CRB2: variants seen among roughly 807,000 people sequenced by gnomAD.
The protein encoded by CRB2 is protein crumbs homolog 2.
In CRB2, 85 loss-of-function variants were observed where a neutral mutation model predicts 110.9. The ratio of observed to expected loss-of-function variants is 0.77; its 90% CI spans 0.64 to 0.92. The LOEUF (loss-of-function observed/expected upper bound fraction) is 0.92, where lower values mean the gene tolerates loss of function less well. Ranked by LOEUF, CRB2 falls within the 40% of genes least tolerant of loss-of-function variation. The probability of loss-of-function intolerance (pLI) is 0.00; values close to 1 mark genes in which losing one functional copy is unlikely to be tolerated. For synonymous variants in CRB2, 907 were observed against 831.0 expected (o/e 1.09, Z -1.57); for missense variants, 1,843 against 1,851.3 (o/e 1.00, Z 0.08).
chr9:123,366,282 G>T lies in CRB2; in HGVS notation c.670G>T (p.Val224Leu). The T allele has an allele frequency of 6.6e-7, 1 of 1,520,102 alleles. No individual in the cohort carries two copies. The highest frequency in any genetic ancestry group is 8.7e-7 in the Non-Finnish European group (1 of 1,146,226). 94.2% of individuals were successfully genotyped at this position (1,520,102 alleles called of 1,614,324 possible). The change falls in exon 4 of 13, where the codon GTG becomes TTG. Residue 224 changes from valine to leucine, a missense_variant. By Grantham distance (32) the Val-to-Leu change is conservative (BLOSUM62 1). Coordinates refer to ENST00000373631, the MANE Select transcript of CRB2 (RefSeq NM_173689.7). ...GYEGTHCERE[V>L]LECASAPCEH... ...CGAGGGCACGCACTGCGAGCGGGAGGTGCTGGAGTGCGCATCGGCGCCCTG... is the reference window on the plus strand; with the variant it reads ...CGAGGGCACGCACTGCGAGCGGGAGTTGCTGGAGTGCGCATCGGCGCCCTG...
intron 1 of CRB2, 43 bp from the exon 2 acceptor site, chr9:123,362,812 ATTGTCCTTGT>A: frequency 1.3e-6 from 2 of 1,505,300 alleles, no homozygotes; most frequent in Admixed American, 3.9e-5. Flanking sequence ...TGGGGAGGAG[ATTGTCCTTGT>A]AACCTCTGCC....
In CRB2 at chr9:123,377,854, G is replaced by A. The variant is rs2042127440; in HGVS notation, c.*792G>A. ...CACCCTGCTGTGGTCATTTGTCAAA[G>A]GGGGAAGGCACCCACTGCCTACCTC... On this transcript the variant is annotated 3_prime_UTR_variant, in exon 13 of 13. Coordinates refer to ENST00000373631, the MANE Select transcript of CRB2 (RefSeq NM_173689.7). 1 of 152,308 alleles carries A rather than the reference G, an allele frequency of 6.6e-6. No individual in the cohort carries two copies. The highest frequency in any genetic ancestry group is 1.5e-5 in the Non-Finnish European group (1 of 68,076). 9.4% of individuals were successfully genotyped at this position (152,308 alleles called of 1,614,324 possible).
chr9:123,359,355 A>T (rs2041834122), intron 1 of CRB2, among the ~76,000 whole-genome samples: 1 of 151,326 alleles, frequency 6.6e-6, no homozygotes. Flanking sequence ...CGCTTCTTAG[A>T]AATATTCTGT....
chr9:123,374,846 G>C (rs769892838), intron 11 of CRB2, 151 bp downstream of exon 11: 37 of 635,054 alleles, frequency 5.8e-5, no homozygotes, highest in Non-Finnish European at 9.3e-5. Flanking sequence ...TCCATGACTC[G>C]CAAGACCATC....
intron 6 of CRB2, chr9:123,368,917 C>T: frequency 8.0e-7 from 1 of 1,257,774 alleles, no homozygotes; most frequent in Non-Finnish European, 1.0e-6. Context: ...GCTCTGTGGA[C>T]CTTCCTGGGC....
intron 1 of CRB2, among the ~76,000 whole-genome samples, chr9:123,360,213 A>C (rs2041851763): frequency 6.6e-6 from 1 of 152,236 alleles, no homozygotes; most frequent in Admixed American, 6.5e-5. Context: ...AGGCCCAAGC[A>C]CATAGTACAC....
At chr9:123,374,845 C>T (rs530810463) in intron 11 of CRB2, 150 bp downstream of exon 11, 4 of 634,860 alleles carry the variant, frequency 6.3e-6, no homozygotes, top group Admixed American at 2.8e-5. Context: ...TTCCATGACT[C>T]GCAAGACCAT....
At position 123,372,268 on chromosome 9, in the gene CRB2, C is replaced by T. The variant is rs760625103; in HGVS notation, c.2528C>T (p.Ala843Val). The T allele has an allele frequency of 2.5e-6, 4 of 1,613,700 alleles. No homozygotes were observed. Among genetic ancestry groups the T allele is most frequent in the African/African-American group, 2.7e-5 (2 of 75,066 alleles). Residue 843 changes from alanine (A) to valine (V), a missense_variant, in exon 9 of 13, where the codon GCC becomes GTC. By Grantham distance (64) the Ala-to-Val change is moderately conservative. Transcript: ENST00000373631. ...GCCAATTTCACGGGGCCTACGTGTGCCCAGCAGCTGTGGTGTCCCGGCCAG... is the reference window on the plus strand; with the variant it reads ...GCCAATTTCACGGGGCCTACGTGTGTCCAGCAGCTGTGGTGTCCCGGCCAG... ...CPANFTGPTC[A>V]QQLWCPGQPC...
Position 123,373,623 on chromosome 9 carries a change from C to CCGGCG in CRB2, c.3097_3101dup (p.Pro1035ArgfsTer108). On this transcript the variant is annotated frameshift_variant, in exon 10 of 13. Transcript: ENST00000373631. LOFTEE classifies it high-confidence loss of function. ...CCCCTGCCCTTGGCGCGGCCCCGGCCCGGCGCGGCCCCTGGCGCCCGAGAG... is the reference window on the plus strand; with the variant it reads ...CCCCTGCCCTTGGCGCGGCCCCGGCCCGGCGCGGCGCGGCCCCTGGCGCCCGAGAG... 1 of 1,362,064 alleles carries CCGGCG rather than the reference C, an allele frequency of 7.3e-7. No homozygotes were observed. The highest frequency in any genetic ancestry group is 9.4e-7 in the Non-Finnish European group (1 of 1,065,764). 84.4% of individuals were successfully genotyped at this position (1,362,064 alleles called of 1,614,324 possible). A position where few individuals can be genotyped will look rare whatever the true frequency, so the allele number is the denominator to read the frequency against.
Position 123,373,706 on chromosome 9 carries a change from G to T in CRB2, c.3175G>T (p.Val1059Leu). ...GATCCTCGGCTGCCGCGGCGCGCCC[G>T]TGTGTGCGCCCTCGCCCTGTCTGCA... The part of the protein sequence containing the change: ...APILGCRGAP[V>L]CAPSPCLHDG... Residue 1059 changes from valine to leucine, a missense_variant, in exon 10 of 13, where the codon GTG (valine) becomes TTG (leucine). Physicochemically the swap from Val to Leu is conservative, Grantham distance 32 (BLOSUM62 1). Coordinates refer to ENST00000373631, the MANE Select transcript of CRB2 (RefSeq NM_173689.7). The T allele has an allele frequency of 6.6e-7, 1 of 1,511,170 alleles. No homozygotes were observed. The highest frequency in any genetic ancestry group is 2.7e-5 in the East Asian group (1 of 36,408). The allele number at this position is 1,511,170 out of a possible 1,614,324, so 93.6% of individuals were successfully genotyped here.
At chr9:123,378,807 T>TTTG (rs2042150901), downstream of CRB2, 1 of 66,230 alleles carries the variant, frequency 1.5e-5, no homozygotes, top group Non-Finnish European at 2.8e-5. Flanking sequence ...TGTTTTTTGT[T>TTTG]TTTTTTTTTT....
At chr9:123,374,139 T>C (rs1457660033) in intron 10 of CRB2, 16 of 753,850 alleles carry the variant, frequency 2.1e-5, no homozygotes, top group African/African-American at 3.6e-5. Flanking sequence ...AGCGCTGTGG[T>C]CTGGGGCTGG....
rs553842292 is a variant in CRB2, at chr9:123,373,137, T to C, written c.2606T>C (p.Val869Ala). 252 of 1,503,250 alleles carry C rather than the reference T, an allele frequency of 1.7e-4. No individual in the cohort carries two copies. Among genetic ancestry groups the C allele is most frequent in the Non-Finnish European group, 2.0e-4 (226 of 1,130,902 alleles). The allele number at this position is 1,503,250 out of a possible 1,614,324, so 93.1% of individuals were successfully genotyped here. Residue 869 changes from valine to alanine, a missense_variant, in exon 10 of 13, where the codon GTG (valine) becomes GCG (alanine). By Grantham distance (64) the Val-to-Ala change is moderately conservative. Coordinates refer to ENST00000373631, the MANE Select transcript of CRB2 (RefSeq NM_173689.7). Reference sequence around the variant, plus strand: ...CTGAGGCTCCTTCTCTCCGCAGGTGTGGCGGAGGCCACGTTCCGCGAGGGT... The same window carrying C: ...CTGAGGCTCCTTCTCTCCGCAGGTGCGGCGGAGGCCACGTTCCGCGAGGGT... ...CEEVPDGFVC[V>A]AEATFREGPP...
intron 8 of CRB2, among the ~76,000 whole-genome samples, chr9:123,371,891 C>G (rs1564375829): frequency 6.6e-6 from 1 of 152,160 alleles, no homozygotes; most frequent in Non-Finnish European, 1.5e-5. Flanking sequence ...GCGGGACACG[C>G]TTTTGATCAT....
intron 2 of CRB2, among the ~76,000 whole-genome samples, chr9:123,364,780 T>C (rs1473927025): frequency 1.3e-5 from 2 of 152,178 alleles, no homozygotes; most frequent in South Asian, 2.1e-4. Context: ...CCATCTCCCT[T>C]CCTCTTCACC....
downstream of CRB2, among the ~76,000 whole-genome samples, chr9:123,379,079 ACAGGTGTGAGC>A (rs1168642084): frequency 2.0e-5 from 3 of 151,480 alleles, no homozygotes; most frequent in African/African-American, 7.3e-5. Context: ...GTGTGGGATG[ACAGGTGTGAGC>A]CACCGCGCCC....
At position 123,370,440 on chromosome 9, in the gene CRB2, C is replaced by T; in HGVS notation, c.1387C>T (p.Leu463=). ...AGCTGGTGGCCCCCTGGGTCTGGCA[C>T]TGAGGTTTCGCACCACACTGCCCGC... ...VPAGGPLGLA[L]RFRTTLPAGT... Residue 463 remains leucine (L), a synonymous_variant, in exon 7 of 13, where the codon CTG becomes TTG. Coordinates refer to ENST00000373631, the MANE Select transcript of CRB2 (RefSeq NM_173689.7). 1.2e-6 allele frequency: 2 copies of T among 1,613,456 alleles called. No homozygotes were observed.
In CRB2 at chr9:123,370,895, TGTCCACGGA is replaced by T. The variant is rs1461578287; in HGVS notation, c.1844_1852del (p.Val615_Gly617del). On this transcript the variant is annotated inframe_deletion, in exon 7 of 13. Coordinates refer to ENST00000373631, the MANE Select transcript of CRB2 (RefSeq NM_173689.7). ...GAGAGCAGTGCCGGCCTCTGCCTTG[TGTCCACGGA>T]GGGTCCTGTGTGGATCTGTGGACTC... The T allele has an allele frequency of 6.2e-7, 1 of 1,612,802 alleles. No homozygotes were observed. Among genetic ancestry groups the T allele is most frequent in the African/African-American group, 1.3e-5 (1 of 74,926 alleles).
chr9:123,361,745 TTATGATCTAATTTTCAGACTGGG>T (rs1162804102), intron 1 of CRB2, among the ~76,000 whole-genome samples: 1 of 152,304 alleles, frequency 6.6e-6, no homozygotes, highest in East Asian at 1.9e-4. Flanking sequence ...GGGGATTCTT[TTATGATCTAATTTTCAGACTGGG>T]AAACGGAGGC....
Sources: gnomAD v4.1 joint callset for allele counts (sites outside exome capture counted in the v4.1 genomes callset) on GRCh38, gnomAD v4.1.1 for gene constraint, MANE v1.5 for transcripts, NCBI Gene and HGNC (gene_info 2026-07-23, HGNC 2026-07-21) for gene names.